Variants in UBE2G1 observed in about 807,000 individuals in gnomAD.
UBE2G1 encodes ubiquitin conjugating enzyme E2 G1, also known as ubiquitin-conjugating enzyme E2 G1.
In UBE2G1, 5 loss-of-function variants were observed where a neutral mutation model predicts 22.7. The observed-to-expected ratio is 0.22, with a 90% CI of 0.12 to 0.46. The LOEUF is 0.46. Among genes scored for constraint, UBE2G1 ranks in the 20% least tolerant of loss-of-function variants. The pLI is 0.99. For synonymous variants in UBE2G1, 74 were observed against 67.5 expected, an observed-to-expected ratio of 1.10 and a Z score of -0.47; for missense variants, 88 against 203.9, an observed-to-expected ratio of 0.43 and a Z score of 3.46.
Position 4,296,706 on chromosome 17 carries a change from G to A in UBE2G1, c.247+11C>T. On this transcript the variant is annotated intron_variant, in intron 3 of 5. Transcript: ENST00000396981. ...ATCTGCAAATGTAAAAGTAAAACTA[G>A]ATAAACTTACCATTTGGGTGCCAGA... 1 of 1,610,934 alleles carries A rather than the reference G, an allele frequency of 6.2e-7. No individual in the cohort carries two copies. Among genetic ancestry groups the A allele is most frequent in the Non-Finnish European group, 8.5e-7 (1 of 1,177,374 alleles).
intron 1 of UBE2G1, chr17:4,345,540 TA>T (rs1969758491): frequency 1.3e-5 from 2 of 152,154 alleles, no homozygotes; most frequent in South Asian, 4.1e-4. Context: ...ACACATACAG[TA>T]AATAAACCTT....
chr17:4,334,418 G>A (rs1275208591), intron 1 of UBE2G1, among the ~76,000 whole-genome samples: 1 of 152,068 alleles, frequency 6.6e-6, no homozygotes, highest in Non-Finnish European at 1.5e-5. Context: ...TATATTTCAT[G>A]CCATTAATAA....
chr17:4,365,599 C>A (rs1034152677), intron 1 of UBE2G1, among the ~76,000 whole-genome samples: 25 of 152,056 alleles, frequency 1.6e-4, no homozygotes, highest in African/African-American at 5.1e-4. Context: ...GCTCTCCCCG[C>A]GGCCCGCTCC....
At chr17:4,333,540 G>A (rs763106422) in intron 1 of UBE2G1, among the ~76,000 whole-genome samples, 2 of 152,096 alleles carry the variant, frequency 1.3e-5, no homozygotes, top group African/African-American at 4.8e-5. Flanking sequence ...GCTGGGCGCT[G>A]GCCAGGTGTG....
intron 2 of UBE2G1, among the ~76,000 whole-genome samples, chr17:4,297,706 C>T (rs1009563782): frequency 6.6e-6 from 1 of 152,132 alleles, no homozygotes; most frequent in African/African-American, 2.4e-5. Context: ...GATTATCATT[C>T]GGTACTCAGC....
At chr17:4,302,422 C>T in intron 2 of UBE2G1, 1 of 505,586 alleles carries the variant, frequency 2.0e-6, no homozygotes, top group Non-Finnish European at 4.0e-6. Flanking sequence ...TGCATTTTGG[C>T]CAACAGTGGC....
intron 4 of UBE2G1, among the ~76,000 whole-genome samples, chr17:4,288,168 A>G (rs1424796280): frequency 6.6e-6 from 1 of 152,214 alleles, no homozygotes; most frequent in Non-Finnish European, 1.5e-5. Context: ...CATTTAACTA[A>G]TACATTTTTT....
chr17:4,285,223 G>A (rs546760511), intron 4 of UBE2G1, among the ~76,000 whole-genome samples: 1 of 151,952 alleles, frequency 6.6e-6, no homozygotes, highest in African/African-American at 2.4e-5. Flanking sequence ...AAATCAAAAA[G>A]AGTTCACACA....
intron 2 of UBE2G1, chr17:4,301,602 C>T (rs368495348): frequency 1.2e-5 from 15 of 1,209,094 alleles, no homozygotes; most frequent in South Asian, 7.2e-5. Flanking sequence ...TTTAAAAGAC[C>T]GAGTATTTGG....
chr17:4,288,751 G>T (rs1440756991), intron 4 of UBE2G1, among the ~76,000 whole-genome samples: 1 of 152,162 alleles, frequency 6.6e-6, no homozygotes, highest in African/African-American at 2.4e-5. Context: ...CTTGAAAACT[G>T]CTGAGAGGAG....
At chr17:4,342,272 T>A (rs1277869209) in intron 1 of UBE2G1, among the ~76,000 whole-genome samples, 1 of 152,212 alleles carries the variant, frequency 6.6e-6, no homozygotes, top group Admixed American at 6.5e-5. Flanking sequence ...TTTCAGATGT[T>A]CAGGCCAAAA....
intron 1 of UBE2G1, among the ~76,000 whole-genome samples, chr17:4,311,557 C>G (rs1304210708): frequency 6.6e-6 from 1 of 152,130 alleles, no homozygotes; most frequent in East Asian, 1.9e-4. Context: ...TGTTATATGA[C>G]TTATTCTATA....
rs1043377121 is a variant in UBE2G1, at chr17:4,311,840, C to A, written c.47-4717G>T. On this transcript the variant is annotated intron_variant, in intron 1 of 5. Coordinates refer to ENST00000396981, the MANE Select transcript of UBE2G1 (RefSeq NM_003342.5). ...CAGATTTCTGTGCAAGGGTAGAAAT[C>A]TGTTCATTCACTGAAATGAGAAACA... Among the ~76,000 whole-genome samples the A allele has an allele frequency of 5.3e-5, 8 of 152,170 alleles. No individual in the cohort carries two copies. The South Asian group carries it at 1.4e-3, about 28-fold the overall frequency.
intron 1 of UBE2G1, among the ~76,000 whole-genome samples, chr17:4,330,512 C>A (rs965403684): frequency 3.4e-5 from 5 of 148,396 alleles, no homozygotes; most frequent in African/African-American, 1.2e-4. Flanking sequence ...CCAAGGTGGG[C>A]GGATCACCTG....
In UBE2G1 at chr17:4,295,768, A is replaced by AT. The variant is rs965463653; in HGVS notation, c.247+948dup. 3.8e-3 allele frequency among the ~76,000 whole-genome samples: 569 copies of AT among 149,632 alleles called. 3 individuals are homozygous for AT. Among genetic ancestry groups the AT allele is most frequent in the African/African-American group, 0.012 (473 of 40,728 alleles). ...GGGACTTTATTTTACTTTATAGAGA[A>AT]TTTTTTTTTTAATTTTTAAATAAGA... On this transcript the variant is annotated intron_variant, in intron 3 of 5. Coordinates refer to ENST00000396981, the MANE Select transcript of UBE2G1 (RefSeq NM_003342.5).
At chr17:4,351,288 G>A (rs9909517) in intron 1 of UBE2G1, among the ~76,000 whole-genome samples, 5,347 of 152,164 alleles carry the variant, frequency 0.035, 338 homozygotes, top group African/African-American at 0.12. Flanking sequence ...CTTCTAAAAA[G>A]GTTTATTTAA....
intron 1 of UBE2G1, among the ~76,000 whole-genome samples, chr17:4,346,492 T>C (rs1969775671): frequency 6.7e-6 from 1 of 148,268 alleles, no homozygotes; most frequent in East Asian, 2.0e-4. Flanking sequence ...TGGAGTGCAG[T>C]GGCGCGATCT....
chr17:4,342,469 T>C (rs535868543), intron 1 of UBE2G1, among the ~76,000 whole-genome samples: 5 of 152,304 alleles, frequency 3.3e-5, no homozygotes, highest in African/African-American at 1.2e-4. Context: ...GGTGCATGCC[T>C]ATGGTCCCAG....
At chr17:4,310,287 T>G (rs1342523896) in intron 1 of UBE2G1, among the ~76,000 whole-genome samples, 1 of 152,164 alleles carries the variant, frequency 6.6e-6, no homozygotes, top group Admixed American at 6.5e-5. Context: ...TTGACCAACA[T>G]CGGCTCCTGA....
Sources: gnomAD v4.1 joint callset for allele counts (sites outside exome capture counted in the v4.1 genomes callset) on GRCh38, gnomAD v4.1.1 for gene constraint, MANE v1.5 for transcripts, NCBI Gene and HGNC (gene_info 2026-07-23, HGNC 2026-07-21) for gene names.